OR4N2: variants seen among roughly 807,000 people sequenced by gnomAD.
OR4N2 encodes olfactory receptor family 4 subfamily N member 2.
For synonymous variants in OR4N2, 141 were observed against 140.4 expected, an observed-to-expected ratio of 1.00 and a Z score of -0.03; for missense variants, 307 against 377.6, an observed-to-expected ratio of 0.81 and a Z score of 1.55.
intron 1 of OR4N2, among the ~76,000 whole-genome samples, chr14:19,824,881 C>T (rs2138480688): frequency 6.6e-6 from 1 of 152,364 alleles, no homozygotes; most frequent in South Asian, 2.1e-4. Flanking sequence ...CAACAATAAT[C>T]ATTAGAAGCT....
chr14:19,808,576 ACAGAAATGAATGGAAAAAAATTC>A (rs1879221706), intron 1 of OR4N2, among the ~76,000 whole-genome samples: 1 of 152,224 alleles, frequency 6.6e-6, no homozygotes, highest in Non-Finnish European at 1.5e-5. Flanking sequence ...ATCAGAGATG[ACAGAAATGAATGGAAAAAAATTC>A]CATACTAATA....
chr14:19,808,079 A>G (rs1469529121), intron 1 of OR4N2, among the ~76,000 whole-genome samples: 12 of 152,288 alleles, frequency 7.9e-5, no homozygotes, highest in Admixed American at 2.0e-4. Context: ...TTGAAGGAAT[A>G]CACCTCAAAA....
Position 19,828,295 on chromosome 14 carries a change from A to G in OR4N2, c.847A>G (p.Asn283Asp). The G allele has an allele frequency of 6.2e-7, 1 of 1,614,232 alleles. No homozygotes were observed. The change falls in exon 2 of 2, where the codon AAT becomes GAT. Residue 283 changes from asparagine to aspartate, a missense_variant. Asn to Asp is a conservative substitution (Grantham distance 23, BLOSUM62 1). Transcript: ENST00000557677. ...LFHTVIFPLLNPVIYTLRNQE... is the reference protein window; with the variant it reads ...LFHTVIFPLLDPVIYTLRNQE... ...CCACACAGTGATTTTTCCTTTGTTG[A>G]ATCCTGTCATTTATACCCTTCGCAA...
chr14:19,819,484 T>C (rs1879509407), intron 1 of OR4N2, among the ~76,000 whole-genome samples: 1 of 152,284 alleles, frequency 6.6e-6, no homozygotes, highest in Non-Finnish European at 1.5e-5. Flanking sequence ...ATTTGGCTAT[T>C]GATACTTGCG....
chr14:19,807,447 A>C (rs1413150496), intron 1 of OR4N2, among the ~76,000 whole-genome samples: 1 of 152,072 alleles, frequency 6.6e-6, no homozygotes, highest in Non-Finnish European at 1.5e-5. Context: ...AGAATACTAT[A>C]AGCAACTCTA....
At chr14:19,805,887 C>T (rs546322568) in intron 1 of OR4N2, among the ~76,000 whole-genome samples, 5 of 152,238 alleles carry the variant, frequency 3.3e-5, no homozygotes, top group East Asian at 3.9e-4. Context: ...TCAGCAGAAC[C>T]TTTATAAGCC....
At position 19,830,110 on chromosome 14, in the gene OR4N2, C is replaced by T. The variant is rs1162949142; in HGVS notation, c.*1738C>T. 5 of 152,648 alleles carry T rather than the reference C, an allele frequency of 3.3e-5. No homozygotes were observed. The highest frequency in any genetic ancestry group is 5.9e-5 in the Non-Finnish European group (4 of 68,358). The allele number at this position is 152,648 out of a possible 1,614,324, so 9.5% of individuals were successfully genotyped here. A position where few individuals can be genotyped will look rare whatever the true frequency, so the allele number is the denominator to read the frequency against. On this transcript the variant is annotated 3_prime_UTR_variant, in exon 2 of 2. Transcript: ENST00000557677. ...CCCTCCTCTCTACTAAAGGCAATTA[C>T]TCTGGTAACTCTCCTTTCCCTCACC...
intron 1 of OR4N2, among the ~76,000 whole-genome samples, chr14:19,819,421 T>A (rs1879507869): frequency 6.6e-6 from 1 of 152,274 alleles, no homozygotes; most frequent in African/African-American, 2.4e-5. Context: ...TCGTCACGCT[T>A]TATTTCATTA....
At chr14:19,825,076 G>A (rs1474284722) in intron 1 of OR4N2, among the ~76,000 whole-genome samples, 3 of 152,260 alleles carry the variant, frequency 2.0e-5, no homozygotes, top group African/African-American at 7.2e-5. Flanking sequence ...GTTAAGACAT[G>A]AGCAGAAAAG....
At chr14:19,823,086 A>G (rs1379611589) in intron 1 of OR4N2, among the ~76,000 whole-genome samples, 1 of 152,270 alleles carries the variant, frequency 6.6e-6, no homozygotes, top group Non-Finnish European at 1.5e-5. Context: ...AGTGCTTTAT[A>G]TACTCATCAG....
At chr14:19,815,135 T>C (rs528469585) in intron 1 of OR4N2, among the ~76,000 whole-genome samples, 25 of 152,376 alleles carry the variant, frequency 1.6e-4, no homozygotes, top group Admixed American at 7.8e-4. Context: ...TAAACATACA[T>C]GTGCATGTGT....
intron 1 of OR4N2, among the ~76,000 whole-genome samples, chr14:19,804,909 GTTC>G (rs1879126143): frequency 6.6e-6 from 1 of 152,182 alleles, no homozygotes. Context: ...AGGATTGTTA[GTTC>G]TTCTTGTTGA....
rs1189158441 is a variant in OR4N2, at chr14:19,812,507, TGTTTG to T, written c.-10+8664_-10+8668del. 6.2e-5 allele frequency among the ~76,000 whole-genome samples: 8 copies of T among 128,514 alleles called. No individual in the cohort carries two copies. The East Asian group carries it at 1.8e-3, about 29-fold the overall frequency. 84.3% of individuals were successfully genotyped at this position (128,514 alleles called of 152,430 possible). A position where few individuals can be genotyped will look rare whatever the true frequency, so the allele number is the denominator to read the frequency against. On this transcript the variant is annotated intron_variant, in intron 1 of 1. Transcript: ENST00000557677. Reference sequence around the variant, plus strand: ...ACCAAGCCGAGATAATTTTTTTGTTTGTTTGTTTGTTTGTTTGTTTTTTGTATTTT... The same window carrying T: ...ACCAAGCCGAGATAATTTTTTTGTTTTTTGTTTGTTTGTTTTTTGTATTTT...
chr14:19,805,462 C>A (rs1049147872), intron 1 of OR4N2, among the ~76,000 whole-genome samples: 1 of 152,176 alleles, frequency 6.6e-6, no homozygotes, highest in Admixed American at 6.5e-5. Context: ...GAAATATTAA[C>A]AGCAAAATAG....
intron 1 of OR4N2, among the ~76,000 whole-genome samples, chr14:19,819,631 A>G (rs1365908218): frequency 1.3e-5 from 2 of 152,218 alleles, no homozygotes; most frequent in East Asian, 1.9e-4. Flanking sequence ...GGGTTAGAAC[A>G]TGCTCCTTTA....
intron 1 of OR4N2, among the ~76,000 whole-genome samples, chr14:19,806,388 T>C (rs1879165572): frequency 6.6e-6 from 1 of 152,010 alleles, no homozygotes. Flanking sequence ...AGATTTGTCA[T>C]GTAAACAAAA....
rs561237023 is a variant in OR4N2, at chr14:19,814,479, C to A, written c.-10+10635C>A. 5.3e-5 allele frequency among the ~76,000 whole-genome samples: 8 copies of A among 152,188 alleles called. No individual in the cohort carries two copies. The East Asian group carries it at 1.5e-3, about 29-fold the overall frequency. Reference sequence around the variant, plus strand: ...CTGAGTAAGGTGCTTATCTCGCATGCAAAATTTAAAGGCGTGCCCAAAAAC... The same window carrying A: ...CTGAGTAAGGTGCTTATCTCGCATGAAAAATTTAAAGGCGTGCCCAAAAAC... On this transcript the variant is annotated intron_variant, in intron 1 of 1. Transcript: ENST00000557677.
At chr14:19,825,334 C>T (rs1879666641) in intron 1 of OR4N2, among the ~76,000 whole-genome samples, 1 of 152,156 alleles carries the variant, frequency 6.6e-6, no homozygotes, top group South Asian at 2.1e-4. Context: ...AATACGTACC[C>T]TAAGATGACA....
intron 1 of OR4N2, among the ~76,000 whole-genome samples, chr14:19,817,569 A>G (rs1019570603): frequency 2.0e-5 from 3 of 151,932 alleles, no homozygotes; most frequent in Non-Finnish European, 4.4e-5. Flanking sequence ...TGTCTATTTG[A>G]TTCTTCTTTC....
Sources: allele counts gnomAD v4.1 joint callset (sites outside exome capture counted in the v4.1 genomes callset), GRCh38; gene constraint gnomAD v4.1.1; transcripts MANE v1.5; gene names NCBI Gene and HGNC (gene_info 2026-07-23, HGNC 2026-07-21).